PHIP: variants seen among roughly 807,000 people sequenced by gnomAD.
PHIP encodes PHIP subunit of CUL4-Ring ligase complex.
PHIP carries 54 observed loss-of-function variants against 236.8 expected under a neutral mutation model. That is an observed-to-expected ratio of 0.23 (90% CI 0.18 to 0.29). The LOEUF is 0.29. PHIP is among the 10% of genes least tolerant of loss of function. The pLI, the probability that PHIP is intolerant of heterozygous loss-of-function variation, is 1.00. For missense variants in PHIP, 1,370 were observed against 2,190.8 expected, an observed-to-expected ratio of 0.63 and a Z score of 7.48; for synonymous variants, 756 against 718.9, an observed-to-expected ratio of 1.05 and a Z score of -0.83.
chr6:79,030,211 A>C (rs956442722), intron 7 of PHIP, among the ~76,000 whole-genome samples: 1 of 152,204 alleles, frequency 6.6e-6, no homozygotes, highest in Non-Finnish European at 1.5e-5. Flanking sequence ...TGAACTAAAA[A>C]AGTGAAGAAA....
intron 30 of PHIP, among the ~76,000 whole-genome samples, chr6:78,962,374 A>G (rs1322358736): frequency 6.6e-6 from 1 of 152,286 alleles, no homozygotes; most frequent in East Asian, 1.9e-4. Flanking sequence ...ATTCGCATAT[A>G]ATACTTAATA....
chr6:79,052,338 T>C (rs1290874116), intron 6 of PHIP, among the ~76,000 whole-genome samples: 2 of 152,156 alleles, frequency 1.3e-5, no homozygotes, highest in Non-Finnish European at 2.9e-5. Context: ...GAGCATAGCA[T>C]TCAAGCAACA....
intron 4 of PHIP, among the ~76,000 whole-genome samples, 175 bp downstream of exon 4, chr6:79,077,273 G>C (rs1349576581): frequency 1.3e-5 from 2 of 151,894 alleles, no homozygotes; most frequent in African/African-American, 2.4e-5. Context: ...CGAAGTACGA[G>C]TACCCCCGGC....
At chr6:79,053,463 A>G (rs747095796) in intron 6 of PHIP, among the ~76,000 whole-genome samples, 1 of 152,212 alleles carries the variant, frequency 6.6e-6, no homozygotes, top group African/African-American at 2.4e-5. Flanking sequence ...ATGTGCCATA[A>G]AAGTTAATTT....
intron 32 of PHIP, 102 bp from the exon 33 acceptor site, chr6:78,955,784 T>TG: frequency 6.0e-6 from 3 of 503,308 alleles, no homozygotes; most frequent in Non-Finnish European, 1.1e-5. Context: ...AAGTTGAAGC[T>TG]GAAGGCTTGC....
intron 4 of PHIP, among the ~76,000 whole-genome samples, chr6:79,071,396 C>A (rs528517827): frequency 6.6e-6 from 1 of 152,292 alleles, no homozygotes; most frequent in East Asian, 1.9e-4. Context: ...ACATTATTCA[C>A]TGCAAAGTAA....
intron 35 of PHIP, among the ~76,000 whole-genome samples, chr6:78,951,395 T>C (rs1774139084): frequency 6.6e-6 from 1 of 152,174 alleles, no homozygotes; most frequent in African/African-American, 2.4e-5. Context: ...TTTTAACATC[T>C]TGCTTTGAAT....
At chr6:79,023,949 TA>T in intron 9 of PHIP, among the ~76,000 whole-genome samples, 1 of 152,166 alleles carries the variant, frequency 6.6e-6, no homozygotes, top group Non-Finnish European at 1.5e-5. Flanking sequence ...ATGAGGAGGT[TA>T]AAAAACAGTA....
intron 6 of PHIP, among the ~76,000 whole-genome samples, chr6:79,045,051 A>G (rs1582276832): frequency 6.6e-6 from 1 of 152,216 alleles, no homozygotes; most frequent in South Asian, 2.1e-4. Context: ...ATTTATAGCT[A>G]AAACTATATT....
In PHIP at chr6:78,938,423, C is replaced by G. The variant is rs1410727856; in HGVS notation, c.*2270G>C. 1 of 151,632 alleles carries G rather than the reference C, an allele frequency of 6.6e-6. No individual in the cohort carries two copies. Among genetic ancestry groups the G allele is most frequent in the African/African-American group, 2.4e-5 (1 of 41,408 alleles). 9.4% of individuals were successfully genotyped at this position (151,632 alleles called of 1,614,324 possible). On this transcript the variant is annotated 3_prime_UTR_variant, in exon 40 of 40. Transcript: ENST00000275034. Reference sequence around the variant, plus strand: ...TGTACGCTCTTCCTTTTTCTGTACACAACTTAAAACTGTACATTTTTTTTA... The same window carrying G: ...TGTACGCTCTTCCTTTTTCTGTACAGAACTTAAAACTGTACATTTTTTTTA...
chr6:78,946,630 G>C (rs1773834229), intron 37 of PHIP, 81 bp downstream of exon 37: 4 of 1,468,102 alleles, frequency 2.7e-6, no homozygotes, highest in Non-Finnish European at 3.6e-6. Context: ...GAATAGTAAA[G>C]GAAGTATTAA....
At chr6:79,056,502 T>C (rs988410873) in intron 6 of PHIP, among the ~76,000 whole-genome samples, 2 of 152,254 alleles carry the variant, frequency 1.3e-5, no homozygotes, top group African/African-American at 4.8e-5. Flanking sequence ...CATGGTAATA[T>C]GTGCACTTCA....
rs529595078 is a variant in PHIP, at chr6:79,021,555, A to T, written c.924-2396T>A. 2.6e-5 allele frequency among the ~76,000 whole-genome samples: 4 copies of T among 152,370 alleles called. No homozygotes were observed. In the East Asian group the frequency reaches 5.8e-4, roughly 22 times the overall value. ...AGTACTATTCAGCCATAAAAAAAGA[A>T]TGAAATCCTGTCATTTCTAACAACA... On this transcript the variant is annotated intron_variant, in intron 9 of 39. Transcript: ENST00000275034.
chr6:78,941,478 C>T (rs1305659767), intron 39 of PHIP, 148 bp from the exon 40 acceptor site: 1 of 551,794 alleles, frequency 1.8e-6, no homozygotes, highest in Non-Finnish European at 3.1e-6. Flanking sequence ...ACCTAGAAAA[C>T]ACTAATAGTT....
chr6:78,937,979 C>T lies in PHIP; in HGVS notation c.*2714G>A, dbSNP rs992253027. The T allele has an allele frequency of 1.3e-5, 2 of 151,494 alleles. No homozygotes were observed. Among genetic ancestry groups the T allele is most frequent in the Non-Finnish European group, 3.0e-5 (2 of 67,558 alleles). 9.4% of individuals were successfully genotyped at this position (151,494 alleles called of 1,614,324 possible). ...AATTGGAGATGTTTTTATTGCTTACCTAAGACAACTGCCAATATTTCTTTC... is the reference window on the plus strand; with the variant it reads ...AATTGGAGATGTTTTTATTGCTTACTTAAGACAACTGCCAATATTTCTTTC... On this transcript the variant is annotated 3_prime_UTR_variant, in exon 40 of 40. Coordinates refer to ENST00000275034, the MANE Select transcript of PHIP (RefSeq NM_017934.7).
intron 15 of PHIP, among the ~76,000 whole-genome samples, chr6:79,006,183 T>G (rs780889243): frequency 6.6e-6 from 1 of 152,030 alleles, no homozygotes; most frequent in Non-Finnish European, 1.5e-5. Context: ...TCTGCTTTAC[T>G]CATGAACCAG....
At chr6:79,053,029 T>C (rs1372540006) in intron 6 of PHIP, among the ~76,000 whole-genome samples, 2 of 152,166 alleles carry the variant, frequency 1.3e-5, no homozygotes, top group African/African-American at 2.4e-5. Context: ...ATTAATAAAG[T>C]AAGATCAGCT....
chr6:79,000,565 T>G (rs1224892058), intron 17 of PHIP, among the ~76,000 whole-genome samples: 1 of 151,994 alleles, frequency 6.6e-6, no homozygotes, highest in Non-Finnish European at 1.5e-5. Context: ...AATAAATGAG[T>G]CTTTTCCTTA....
At chr6:79,037,879 A>C (rs538295054) in intron 7 of PHIP, among the ~76,000 whole-genome samples, 19 of 152,346 alleles carry the variant, frequency 1.2e-4, no homozygotes, top group African/African-American at 4.3e-4. Flanking sequence ...GATCTAAAAA[A>C]TAACAACAAA....
Sources: gnomAD v4.1 joint callset for allele counts (sites outside exome capture counted in the v4.1 genomes callset) on GRCh38, gnomAD v4.1.1 for gene constraint, MANE v1.5 for transcripts, NCBI Gene and HGNC (gene_info 2026-07-23, HGNC 2026-07-21) for gene names.